Variants in ATXN8OS observed in about 807,000 individuals in gnomAD.
The protein encoded by ATXN8OS is ATXN8 opposite strand (non-protein coding).
Position 70,119,630 on chromosome 13 carries a change from C to T in ATXN8OS, n.398+4332C>T, listed in dbSNP as rs559367996. On this transcript the variant is annotated intron_variant and non_coding_transcript_variant, in intron 2 of 4. Coordinates refer to ENST00000678624, the Ensembl canonical transcript of ATXN8OS. ...TAAAGTGAAAAAAATACAGGTTGAA[C>T]ATCTGTAATATGAAAATTCCAAACC... is the stretch of plus-strand genomic sequence containing the variant. Among the ~76,000 whole-genome samples the T allele has an allele frequency of 2.6e-5, 4 of 152,100 alleles. No individual in the cohort carries two copies. In the East Asian group the frequency reaches 7.7e-4, roughly 29 times the overall value.
At chr13:70,136,901 C>G (rs1165824428) in intron 3 of ATXN8OS, among the ~76,000 whole-genome samples, 1 of 152,126 alleles carries the variant, frequency 6.6e-6, no homozygotes, top group Non-Finnish European at 1.5e-5. Flanking sequence ...AGATTTTGTT[C>G]AGTTTAATAG....
chr13:70,146,962 A>G (rs1888795330), intron 3 of ATXN8OS, among the ~76,000 whole-genome samples: 1 of 152,198 alleles, frequency 6.6e-6, no homozygotes, highest in Non-Finnish European at 1.5e-5. Context: ...TGATGTTAGT[A>G]AGACATGTTT....
upstream of ATXN8OS, chr13:70,107,603 C>A: frequency 1.3e-6 from 2 of 1,594,026 alleles, no homozygotes; most frequent in Admixed American, 3.5e-5. Context: ...CCTCCCCCCG[C>A]CGGGCCGCCG....
At chr13:70,133,615 A>C (rs1888565334) in intron 3 of ATXN8OS, among the ~76,000 whole-genome samples, 1 of 152,178 alleles carries the variant, frequency 6.6e-6, no homozygotes, top group Non-Finnish European at 1.5e-5. Context: ...CCAATTCCAT[A>C]TGACTGCTAT....
chr13:70,125,809 C>T (rs1888425127), intron 2 of ATXN8OS, among the ~76,000 whole-genome samples: 1 of 152,140 alleles, frequency 6.6e-6, no homozygotes, highest in African/African-American at 2.4e-5. Flanking sequence ...TCTGTGCTGG[C>T]TTCTGAATGT....
At chr13:70,160,100 T>C (rs908678676) in intron 4 of ATXN8OS, among the ~76,000 whole-genome samples, 1 of 152,174 alleles carries the variant, frequency 6.6e-6, no homozygotes, top group Non-Finnish European at 1.5e-5. Context: ...TAAAATAGAA[T>C]ATGCCAGAAT....
At chr13:70,133,065 C>G (rs1888557332) in intron 3 of ATXN8OS, among the ~76,000 whole-genome samples, 1 of 152,088 alleles carries the variant, frequency 6.6e-6, no homozygotes, top group Non-Finnish European at 1.5e-5. Flanking sequence ...CTAGTTATGC[C>G]TCACTTCGAT....
chr13:70,133,702 T>A (rs1319255183), intron 3 of ATXN8OS, among the ~76,000 whole-genome samples: 1 of 152,150 alleles, frequency 6.6e-6, no homozygotes, highest in Non-Finnish European at 1.5e-5. Context: ...AGACTGGAGT[T>A]GGGCTGCTAC....
At chr13:70,114,022 G>C (rs1888239046) in intron 1 of ATXN8OS, among the ~76,000 whole-genome samples, 1 of 152,122 alleles carries the variant, frequency 6.6e-6, no homozygotes, top group Admixed American at 6.6e-5. Flanking sequence ...ATAGTACTGT[G>C]ATTTTTATTT....
intron 2 of ATXN8OS, among the ~76,000 whole-genome samples, chr13:70,117,557 C>T (rs2100080150): frequency 6.6e-6 from 1 of 152,016 alleles, no homozygotes; most frequent in South Asian, 2.1e-4. Flanking sequence ...ACAGTATGTG[C>T]ATTATTCCTC....
At chr13:70,136,684 T>C (rs543927328) in intron 3 of ATXN8OS, among the ~76,000 whole-genome samples, 251 of 152,240 alleles carry the variant, frequency 1.6e-3, no homozygotes, top group African/African-American at 5.9e-3. Flanking sequence ...AAAGTTTTGC[T>C]TTTCTCAAGA....
rs146591238 is a variant in ATXN8OS, at chr13:70,141,339, C to T, written n.500-6016C>T. Reference sequence around the variant, plus strand: ...TCCTTACATATTGCACAGTGTTCAACTCACCCAACTGCATGTGGCAACCCC... The same window carrying T: ...TCCTTACATATTGCACAGTGTTCAATTCACCCAACTGCATGTGGCAACCCC... On this transcript the variant is annotated intron_variant and non_coding_transcript_variant, in intron 3 of 4. Transcript: ENST00000678624. Among the ~76,000 whole-genome samples, 400 of 152,284 alleles carry T rather than the reference C, an allele frequency of 2.6e-3. 2 individuals carry two copies. The highest frequency in any genetic ancestry group is 9.1e-3 in the African/African-American group (378 of 41,574).
intron 4 of ATXN8OS, among the ~76,000 whole-genome samples, chr13:70,169,661 A>T (rs904827263): frequency 2.7e-5 from 4 of 150,140 alleles, no homozygotes; most frequent in Non-Finnish European, 4.5e-5. Context: ...GCTCTCTTTG[A>T]GGGGCAACAC....
chr13:70,156,244 AGTGTGTGTGT>A (rs71784187), intron 4 of ATXN8OS, among the ~76,000 whole-genome samples: 4 of 149,188 alleles, frequency 2.7e-5, no homozygotes, highest in African/African-American at 5.0e-5. Context: ...GGTGGGTATG[AGTGTGTGTGT>A]GTGTGTGTGT....
chr13:70,124,267 C>A (rs1194574276), intron 2 of ATXN8OS, among the ~76,000 whole-genome samples: 3 of 152,032 alleles, frequency 2.0e-5, no homozygotes, highest in Admixed American at 2.0e-4. Flanking sequence ...TTTTGTGAAA[C>A]CTATTCTAGA....
chr13:70,136,123 T>C lies in ATXN8OS; in HGVS notation n.499+6239T>C, dbSNP rs79676195. Reference sequence around the variant, plus strand: ...TTGTTGGTGCAAAGAGGCATTTCTTTTGCGGGGGCAAGTCTGATCAGTTGT... The same window carrying C: ...TTGTTGGTGCAAAGAGGCATTTCTTCTGCGGGGGCAAGTCTGATCAGTTGT... On this transcript the variant is annotated intron_variant and non_coding_transcript_variant, in intron 3 of 4. Transcript: ENST00000678624. Among the ~76,000 whole-genome samples the C allele has an allele frequency of 7.6e-3, 1,154 of 152,278 alleles. 9 individuals carry two copies. Among genetic ancestry groups the C allele is most frequent in the East Asian group, 0.03 (157 of 5,168 alleles).
rs377197453 is a variant in ATXN8OS, at chr13:70,168,593, AT to A, written n.574-1144del. Among the ~76,000 whole-genome samples, 1,170 of 138,392 alleles carry A rather than the reference AT, an allele frequency of 8.5e-3. 12 individuals carry two copies. The highest frequency in any genetic ancestry group is 0.023 in the African/African-American group (863 of 37,122). The allele number at this position is 138,392 out of a possible 152,430, so 90.8% of individuals were successfully genotyped here. On this transcript the variant is annotated intron_variant and non_coding_transcript_variant, in intron 4 of 4. Transcript: ENST00000678624. ...TTCTACTCTCTATCTCTGTGACATC[AT>A]TTTTTTTTTTTTTTTAGCTCCCAAT... is the stretch of plus-strand genomic sequence containing the variant.
chr13:70,129,145 C>T (rs1489096801), intron 2 of ATXN8OS, among the ~76,000 whole-genome samples: 1 of 152,160 alleles, frequency 6.6e-6, no homozygotes, highest in Non-Finnish European at 1.5e-5. Context: ...CAGGCGTGAG[C>T]CACCATGCCG....
intron 4 of ATXN8OS, among the ~76,000 whole-genome samples, chr13:70,162,047 AGAG>A (rs767591455): frequency 8.2e-4 from 125 of 152,140 alleles, no homozygotes; most frequent in Non-Finnish European, 1.6e-3. Flanking sequence ...AGAAGAAAAA[AGAG>A]GAAAAGAAGA....
Sources: gnomAD v4.1 joint callset for allele counts (sites outside exome capture counted in the v4.1 genomes callset) on GRCh38, gnomAD v4.1.1 for gene constraint, MANE v1.5 for transcripts, NCBI Gene and HGNC (gene_info 2026-07-23, HGNC 2026-07-21) for gene names.